RFC3: variants seen among roughly 807,000 people sequenced by gnomAD.
The protein encoded by RFC3 is replication factor C subunit 3.
A neutral mutation model predicts 45.1 loss-of-function variants in RFC3; 41 were observed. The observed-to-expected ratio is 0.91, with a 90% confidence interval of 0.71 to 1.18. The LOEUF (loss-of-function observed/expected upper bound fraction) is 1.18, where lower values mean the gene tolerates loss of function less well. Among genes scored for constraint, RFC3 ranks in the 50% most tolerant of loss-of-function variants. RFC3 has a pLI of 0.00. For missense variants in RFC3, 423 were observed against 428.1 expected, an observed-to-expected ratio of 0.99 and a Z score of 0.10; for synonymous variants, 149 against 144.0, an observed-to-expected ratio of 1.03 and a Z score of -0.25.
At chr13:33,880,135 T>C (rs967271550) in intron 8 of RFC3, among the ~76,000 whole-genome samples, 1 of 152,222 alleles carries the variant, frequency 6.6e-6, no homozygotes, top group African/African-American at 2.4e-5. Flanking sequence ...ATAAAACCTA[T>C]TTATAGGTTC....
At chr13:33,853,947 G>C (rs551606107) in intron 8 of RFC3, among the ~76,000 whole-genome samples, 145 of 152,290 alleles carry the variant, frequency 9.5e-4, no homozygotes, top group African/African-American at 3.4e-3. Context: ...CATTTCTTAC[G>C]TGAGTTTCCA....
At chr13:33,920,393 G>A (rs1220986239) in intron 8 of RFC3, among the ~76,000 whole-genome samples, 1 of 145,892 alleles carries the variant, frequency 6.9e-6, no homozygotes, top group Non-Finnish European at 1.5e-5. Context: ...CCTTGCATGT[G>A]TGAGTTTTAG....
chr13:33,862,255 G>GT (rs142905743), intron 8 of RFC3, among the ~76,000 whole-genome samples: 10,818 of 134,840 alleles, frequency 0.08, 1,028 homozygotes, highest in African/African-American at 0.19. Context: ...TCTCAGCAAA[G>GT]TTTTTTTTTT....
chr13:33,956,689 G>A (rs1593717778), intron 8 of RFC3, among the ~76,000 whole-genome samples: 1 of 152,154 alleles, frequency 6.6e-6, no homozygotes. Flanking sequence ...ACTCTTAGCT[G>A]TGTGAAGCTG....
At chr13:33,890,672 T>G (rs2082558009) in intron 8 of RFC3, among the ~76,000 whole-genome samples, 1 of 152,186 alleles carries the variant, frequency 6.6e-6, no homozygotes, top group African/African-American at 2.4e-5. Context: ...AATTACATCA[T>G]CCCCTTTAAG....
At chr13:33,960,209 C>G (rs986902843) in intron 8 of RFC3, among the ~76,000 whole-genome samples, 1 of 151,910 alleles carries the variant, frequency 6.6e-6, no homozygotes, top group Non-Finnish European at 1.5e-5. Flanking sequence ...TATCAGTAAC[C>G]AAAAAACAAA....
At chr13:33,882,257 C>T (rs2082489979) in intron 8 of RFC3, among the ~76,000 whole-genome samples, 1 of 152,198 alleles carries the variant, frequency 6.6e-6, no homozygotes, top group Non-Finnish European at 1.5e-5. Context: ...TCCAATTTCA[C>T]CTGTTTTTTA....
chr13:33,942,162 TGTTG>T (rs1453426819), intron 8 of RFC3, among the ~76,000 whole-genome samples: 2 of 152,112 alleles, frequency 1.3e-5, no homozygotes, highest in East Asian at 3.8e-4. Flanking sequence ...CTGCATCACT[TGTTG>T]GTTTGTTTCT....
chr13:33,942,071 A>G (rs566096924), intron 8 of RFC3, among the ~76,000 whole-genome samples: 2 of 152,074 alleles, frequency 1.3e-5, no homozygotes, highest in African/African-American at 4.8e-5. Flanking sequence ...AATATTGTCT[A>G]CTTTTTCTCT....
At chr13:33,942,888 C>T (rs1254913684) in intron 8 of RFC3, among the ~76,000 whole-genome samples, 1 of 152,100 alleles carries the variant, frequency 6.6e-6, no homozygotes, top group African/African-American at 2.4e-5. Flanking sequence ...TAGCAGTTGG[C>T]CTGTTCCAAT....
chr13:33,908,014 T>A (rs1380061117), intron 8 of RFC3, among the ~76,000 whole-genome samples: 1 of 151,988 alleles, frequency 6.6e-6, no homozygotes, highest in Non-Finnish European at 1.5e-5. Context: ...AAGTCTTCAA[T>A]GTGTTCGTAA....
chr13:33,869,213 T>G (rs1246546263), intron 8 of RFC3, among the ~76,000 whole-genome samples: 1 of 152,234 alleles, frequency 6.6e-6, no homozygotes, highest in Non-Finnish European at 1.5e-5. Context: ...CTGATTGAGT[T>G]AATGACACAA....
At chr13:33,938,552 A>G (rs1388820623) in intron 8 of RFC3, among the ~76,000 whole-genome samples, 1 of 152,160 alleles carries the variant, frequency 6.6e-6, no homozygotes, top group African/African-American at 2.4e-5. Flanking sequence ...GGAAACTTAT[A>G]CAAGTGGAAT....
chr13:33,827,583 ATGT>A (rs2082062184), intron 4 of RFC3, among the ~76,000 whole-genome samples: 2 of 152,190 alleles, frequency 1.3e-5, no homozygotes, highest in Admixed American at 1.3e-4. Flanking sequence ...TAAAAGTGAA[ATGT>A]TGTAGGGTCA....
intron 8 of RFC3, among the ~76,000 whole-genome samples, chr13:33,951,039 C>CTTTTTTT (rs926664684): frequency 1.2e-4 from 7 of 60,816 alleles, no homozygotes; most frequent in Admixed American, 2.3e-4. Flanking sequence ...TCTGATGGCT[C>CTTTTTTT]TTTTTTTTTT....
At chr13:33,959,256 T>G (rs1448860012) in intron 8 of RFC3, among the ~76,000 whole-genome samples, 1 of 152,206 alleles carries the variant, frequency 6.6e-6, no homozygotes, top group East Asian at 1.9e-4. Flanking sequence ...GTTATTTCCC[T>G]GCTTACAAAC....
At chr13:33,855,943 CT>C (rs2082306537) in intron 8 of RFC3, among the ~76,000 whole-genome samples, 1 of 152,148 alleles carries the variant, frequency 6.6e-6, no homozygotes. Context: ...CTGATAGTTT[CT>C]TTTGCTGTGC....
chr13:33,857,261 A>G (rs1025679356), intron 8 of RFC3, among the ~76,000 whole-genome samples: 2 of 152,220 alleles, frequency 1.3e-5, no homozygotes, highest in Non-Finnish European at 2.9e-5. Flanking sequence ...CTGACATGCT[A>G]CATTAGACAG....
chr13:33,856,920 G>A (rs1157825458), intron 8 of RFC3, among the ~76,000 whole-genome samples: 2 of 152,120 alleles, frequency 1.3e-5, no homozygotes, highest in Non-Finnish European at 2.9e-5. Flanking sequence ...GGTGGTTACT[G>A]GAGGAACCTC....
Sources: allele counts gnomAD v4.1 joint callset (sites outside exome capture counted in the v4.1 genomes callset), GRCh38; gene constraint gnomAD v4.1.1; transcripts MANE v1.5; gene names NCBI Gene and HGNC (gene_info 2026-07-23, HGNC 2026-07-21).